Variants in DGKI observed in about 807,000 individuals in gnomAD.
The protein encoded by DGKI is DAG kinase iota.
DGKI carries 55 observed loss-of-function variants against 147.5 expected under a neutral mutation model. That is an observed-to-expected ratio of 0.37 (90% CI 0.30 to 0.47). The LOEUF is 0.47. Among genes scored for constraint, DGKI ranks in the 20% least tolerant of loss-of-function variants. DGKI has a pLI of 1.00. For synonymous variants in DGKI, 469 were observed against 477.1 expected, an observed-to-expected ratio of 0.98 and a Z score of 0.22; for missense variants, 1,007 against 1,323.8, an observed-to-expected ratio of 0.76 and a Z score of 3.71.
chr7:137,707,383 G>T (rs115454705), intron 1 of DGKI, among the ~76,000 whole-genome samples: 1 of 152,178 alleles, frequency 6.6e-6, no homozygotes, highest in East Asian at 1.9e-4. Flanking sequence ...GCTTTAGTGC[G>T]CTCCATTGAC....
intron 10 of DGKI, among the ~76,000 whole-genome samples, chr7:137,606,310 T>A (rs892697763): frequency 6.6e-5 from 10 of 151,826 alleles, no homozygotes; most frequent in Non-Finnish European, 1.3e-4. Flanking sequence ...TTAAAAATTT[T>A]TTAAAAAAAA....
chr7:137,491,740 T>C (rs1238223623), intron 21 of DGKI, among the ~76,000 whole-genome samples: 2 of 152,214 alleles, frequency 1.3e-5, no homozygotes, highest in African/African-American at 4.8e-5. Flanking sequence ...CTTGTGCTTA[T>C]GTATACAGAT....
intron 10 of DGKI, among the ~76,000 whole-genome samples, chr7:137,607,109 C>T (rs148067360): frequency 6.6e-6 from 1 of 152,294 alleles, no homozygotes; most frequent in African/African-American, 2.4e-5. Flanking sequence ...GAATCTGCCA[C>T]AGTAAAGAGC....
chr7:137,637,174 T>TCAA (rs1238023911), intron 6 of DGKI, among the ~76,000 whole-genome samples: 2 of 152,192 alleles, frequency 1.3e-5, no homozygotes, highest in African/African-American at 4.8e-5. Flanking sequence ...GCCCCACAGT[T>TCAA]CAACACCTCC....
At chr7:137,619,510 A>G (rs1172410662) in intron 8 of DGKI, among the ~76,000 whole-genome samples, 1 of 152,206 alleles carries the variant, frequency 6.6e-6, no homozygotes, top group Non-Finnish European at 1.5e-5. Flanking sequence ...AGCATCAGCT[A>G]TACCCACCAC....
At chr7:137,686,806 A>T (rs1266748457) in intron 2 of DGKI, among the ~76,000 whole-genome samples, 1 of 152,134 alleles carries the variant, frequency 6.6e-6, no homozygotes, top group African/African-American at 2.4e-5. Flanking sequence ...GCCTTTTGCC[A>T]AAGTATATTT....
At chr7:137,687,556 C>A (rs1032491872) in intron 2 of DGKI, among the ~76,000 whole-genome samples, 1 of 152,074 alleles carries the variant, frequency 6.6e-6, no homozygotes, top group Non-Finnish European at 1.5e-5. Context: ...CTAGTTTTAG[C>A]CAAAGAAAAA....
At chr7:137,470,419 C>A (rs1464782648) in intron 23 of DGKI, among the ~76,000 whole-genome samples, 1 of 152,150 alleles carries the variant, frequency 6.6e-6, no homozygotes, top group Admixed American at 6.6e-5. Flanking sequence ...AGACTCTGGA[C>A]TATCTTTCTT....
Position 137,439,794 on chromosome 7 carries a change from A to T in DGKI, c.2761+4283T>A, listed in dbSNP as rs560102402. On this transcript the variant is annotated intron_variant, in intron 28 of 32. Transcript: ENST00000614521. ...CACTATGTTACTGCTGCAACAAAAA[A>T]GCTGCCCTAGAATGTGACGGCCATA... is the stretch of plus-strand genomic sequence containing the variant. 6.6e-5 allele frequency among the ~76,000 whole-genome samples: 10 copies of T among 152,352 alleles called. No individual in the cohort carries two copies. The South Asian group carries it at 2.1e-3, about 32-fold the overall frequency.
chr7:137,820,859 C>A (rs1191846816), intron 1 of DGKI, among the ~76,000 whole-genome samples: 4 of 152,174 alleles, frequency 2.6e-5, no homozygotes, highest in African/African-American at 9.6e-5. Flanking sequence ...CCTCCCCCAG[C>A]CGGCATCAGG....
In DGKI at chr7:137,806,266, C is replaced by T. The variant is rs551461705; in HGVS notation, c.401+40196G>A. Among the ~76,000 whole-genome samples, 8 of 152,272 alleles carry T rather than the reference C, an allele frequency of 5.3e-5. No homozygotes were observed. The East Asian group carries it at 1.5e-3, about 29-fold the overall frequency. Reference sequence around the variant, plus strand: ...CATCTAAATCAGGTGTTGTTATTCCCCACTTTGCAAATGAAGAAACTGAGA... The same window carrying T: ...CATCTAAATCAGGTGTTGTTATTCCTCACTTTGCAAATGAAGAAACTGAGA... On this transcript the variant is annotated intron_variant, in intron 1 of 32. Coordinates refer to ENST00000614521, the MANE Select transcript of DGKI (RefSeq NM_001321708.2).
intron 1 of DGKI, among the ~76,000 whole-genome samples, chr7:137,780,233 T>C (rs776971951): frequency 1.1e-4 from 16 of 152,356 alleles, no homozygotes; most frequent in South Asian, 2.1e-4. Flanking sequence ...GGTTTCTAAG[T>C]ACCATTTCTT....
intron 20 of DGKI, among the ~76,000 whole-genome samples, chr7:137,545,342 T>G (rs1262616324): frequency 4.6e-5 from 7 of 152,206 alleles, no homozygotes; most frequent in Non-Finnish European, 7.3e-5. Context: ...ACATATTTTT[T>G]TGTTCTCACT....
At chr7:137,725,805 G>A (rs533518698) in intron 1 of DGKI, among the ~76,000 whole-genome samples, 1 of 152,050 alleles carries the variant, frequency 6.6e-6, no homozygotes, top group Non-Finnish European at 1.5e-5. Context: ...ACCAAATTGG[G>A]AGTTTTACAT....
intron 20 of DGKI, among the ~76,000 whole-genome samples, chr7:137,533,289 G>GA (rs569583317): frequency 3.3e-5 from 5 of 151,442 alleles, no homozygotes; most frequent in East Asian, 1.9e-4. Context: ...CCCTGTCTCA[G>GA]AAAAAAATGA....
chr7:137,717,899 A>G (rs909151633), intron 1 of DGKI, among the ~76,000 whole-genome samples: 4 of 152,190 alleles, frequency 2.6e-5, no homozygotes, highest in Non-Finnish European at 5.9e-5. Flanking sequence ...GATTGATTTA[A>G]ACTTCCTTTT....
At chr7:137,718,396 G>A (rs1033251519) in intron 1 of DGKI, among the ~76,000 whole-genome samples, 3 of 152,182 alleles carry the variant, frequency 2.0e-5, no homozygotes, top group Non-Finnish European at 4.4e-5. Context: ...CACCCTGCCA[G>A]GGGTGTAATG....
chr7:137,397,426 A>C lies in DGKI; in HGVS notation c.2921-13T>G, dbSNP rs775419907. ...AACTCGGAAGGTCCTAAATAAGAAG[A>C]AAGCAAGATGACCGTCAAAAATAAG... On this transcript the variant is annotated splice_polypyrimidine_tract_variant and intron_variant, in intron 30 of 32. Coordinates refer to ENST00000614521, the MANE Select transcript of DGKI (RefSeq NM_001321708.2). 2.5e-6 allele frequency: 4 copies of C among 1,611,180 alleles called. No individual in the cohort carries two copies. The highest frequency in any genetic ancestry group is 3.4e-6 in the Non-Finnish European group (4 of 1,179,408).
intron 3 of DGKI, among the ~76,000 whole-genome samples, chr7:137,662,835 C>T (rs1822493699): frequency 6.6e-6 from 1 of 152,174 alleles, no homozygotes; most frequent in Admixed American, 6.5e-5. Flanking sequence ...TTGGTAAAGG[C>T]TGAAACCTTC....
Sources: allele counts gnomAD v4.1 joint callset (sites outside exome capture counted in the v4.1 genomes callset), GRCh38; gene constraint gnomAD v4.1.1; transcripts MANE v1.5; gene names NCBI Gene and HGNC (gene_info 2026-07-23, HGNC 2026-07-21).